The following NDST3 variants were observed in gnomAD, a reference collection of about 807,000 sequenced individuals.
NDST3 encodes bifunctional heparan sulfate N-deacetylase/N-sulfotransferase 3.
Under a neutral mutation model 96.1 loss-of-function variants are expected in NDST3, and 58 were observed. The ratio of observed to expected loss-of-function variants is 0.60; its 90% CI spans 0.49 to 0.75. The LOEUF is 0.75. NDST3 is among the 30% of genes least tolerant of loss of function. The pLI, the probability that NDST3 is intolerant of heterozygous loss-of-function variation, is 0.00. For synonymous variants in NDST3, 333 were observed against 359.7 expected (o/e 0.93, Z 0.84); for missense variants, 788 against 1,034.2 (o/e 0.76, Z 3.27).
intron 6 of NDST3, among the ~76,000 whole-genome samples, chr4:118,183,726 T>C (rs1736748378): frequency 6.6e-6 from 1 of 152,266 alleles, no homozygotes; most frequent in Non-Finnish European, 1.5e-5. Flanking sequence ...GAATTTAGGA[T>C]AATTGCTATT....
chr4:118,082,727 G>A (rs1034138983), intron 2 of NDST3, among the ~76,000 whole-genome samples: 2 of 152,142 alleles, frequency 1.3e-5, no homozygotes, highest in African/African-American at 4.8e-5. Flanking sequence ...ATAAATGTAA[G>A]AGTACTGTAT....
chr4:118,037,106 T>G (rs563259005), intron 1 of NDST3, among the ~76,000 whole-genome samples: 31 of 152,358 alleles, frequency 2.0e-4, no homozygotes, highest in Non-Finnish European at 4.1e-4. Context: ...GGGGCTTGGT[T>G]TCTTCACCTG....
At chr4:118,233,167 T>C (rs1254552113) in intron 9 of NDST3, 32 bp downstream of exon 9, 3 of 1,584,432 alleles carry the variant, frequency 1.9e-6, no homozygotes, top group African/African-American at 1.3e-5. Flanking sequence ...AATCTAAAAG[T>C]ATATGTACTG....
intron 9 of NDST3, among the ~76,000 whole-genome samples, chr4:118,233,480 T>G (rs913982383): frequency 2.5e-4 from 38 of 152,352 alleles, no homozygotes; most frequent in African/African-American, 8.7e-4. Flanking sequence ...TTTTTCTTCT[T>G]GTGCACTTTT....
intron 6 of NDST3, among the ~76,000 whole-genome samples, chr4:118,179,903 C>T (rs751147644): frequency 6.6e-6 from 1 of 152,132 alleles, no homozygotes; most frequent in Non-Finnish European, 1.5e-5. Context: ...AAACTTTTAA[C>T]CCCTGCCCTC....
chr4:118,102,535 C>A (rs1315411434), intron 2 of NDST3, among the ~76,000 whole-genome samples: 1 of 152,000 alleles, frequency 6.6e-6, no homozygotes, highest in Non-Finnish European at 1.5e-5. Flanking sequence ...AATTTTATAT[C>A]ATTTTTATAT....
intron 6 of NDST3, among the ~76,000 whole-genome samples, chr4:118,189,909 C>A (rs1737194899): frequency 6.6e-6 from 1 of 152,074 alleles, no homozygotes; most frequent in Non-Finnish European, 1.5e-5. Context: ...TTCGACCACA[C>A]AAGATTTCCA....
intron 4 of NDST3, among the ~76,000 whole-genome samples, chr4:118,129,028 T>C (rs569954328): frequency 1.3e-5 from 2 of 152,144 alleles, no homozygotes; most frequent in Non-Finnish European, 2.9e-5. Flanking sequence ...GTATCAGTTG[T>C]AGTGTTTCCT....
intron 4 of NDST3, among the ~76,000 whole-genome samples, chr4:118,137,378 G>A (rs1399680840): frequency 1.3e-5 from 2 of 150,132 alleles, no homozygotes; most frequent in Non-Finnish European, 3.0e-5. Flanking sequence ...GTCATTTTAT[G>A]TACAAGAGCT....
At chr4:118,136,470 A>G (rs1202538963) in intron 4 of NDST3, among the ~76,000 whole-genome samples, 1 of 150,892 alleles carries the variant, frequency 6.6e-6, no homozygotes, top group Non-Finnish European at 1.5e-5. Context: ...GGAAAAAATT[A>G]GTTTAGTTTG....
intron 2 of NDST3, among the ~76,000 whole-genome samples, chr4:118,086,095 C>T (rs974445726): frequency 6.6e-6 from 1 of 152,076 alleles, no homozygotes; most frequent in Non-Finnish European, 1.5e-5. Flanking sequence ...CATACTCCTC[C>T]CCTGTAGCTG....
At chr4:118,046,041 A>G (rs6534079) in intron 1 of NDST3, among the ~76,000 whole-genome samples, 96,845 of 151,472 alleles carry the variant, frequency 0.64, 34,333 homozygotes, top group South Asian at 0.82. Flanking sequence ...GAGTAAATCA[A>G]CATAATTTGG....
intron 2 of NDST3, chr4:118,055,698 C>G (rs1725382898): frequency 6.6e-6 from 1 of 151,912 alleles, no homozygotes; most frequent in Non-Finnish European, 1.5e-5. Flanking sequence ...AGGATTCTAT[C>G]TCTGTTATAC....
At chr4:118,184,986 C>T (rs1560703769) in intron 6 of NDST3, among the ~76,000 whole-genome samples, 1 of 152,016 alleles carries the variant, frequency 6.6e-6, no homozygotes, top group Non-Finnish European at 1.5e-5. Flanking sequence ...AGACTTTCTA[C>T]TTTAATTTAA....
chr4:118,236,927 G>A, intron 9 of NDST3, 119 bp from the exon 10 acceptor site: 1 of 688,044 alleles, frequency 1.5e-6, no homozygotes, highest in Non-Finnish European at 2.2e-6. Flanking sequence ...GACAAATGCT[G>A]TAAAGAAAAA....
At chr4:118,215,330 T>C (rs1417019499) in intron 6 of NDST3, among the ~76,000 whole-genome samples, 1 of 152,070 alleles carries the variant, frequency 6.6e-6, no homozygotes, top group Non-Finnish European at 1.5e-5. Flanking sequence ...AAATTTTAAG[T>C]GTGGTCAACC....
chr4:118,133,332 T>A (rs544802219), intron 4 of NDST3, among the ~76,000 whole-genome samples: 1 of 152,126 alleles, frequency 6.6e-6, no homozygotes, highest in Non-Finnish European at 1.5e-5. Flanking sequence ...ATGGATTTGC[T>A]CTCTGCTATG....
At chr4:118,048,510 G>A (rs191138684) in intron 1 of NDST3, among the ~76,000 whole-genome samples, 23 of 152,218 alleles carry the variant, frequency 1.5e-4, no homozygotes, top group Non-Finnish European at 2.1e-4. Context: ...ACCCACAGGC[G>A]CAAAGTAAAA....
At chr4:118,253,746 G>T in intron 13 of NDST3, 145 bp downstream of exon 13, 1 of 552,522 alleles carries the variant, frequency 1.8e-6, no homozygotes, top group Non-Finnish European at 3.2e-6. Context: ...CAGGTAGGTT[G>T]CTTATTTTGA....
Sources: allele counts gnomAD v4.1 joint callset (sites outside exome capture counted in the v4.1 genomes callset), GRCh38; gene constraint gnomAD v4.1.1; transcripts MANE v1.5; gene names NCBI Gene and HGNC (gene_info 2026-07-23, HGNC 2026-07-21).